The following NLRP13 variants were observed in gnomAD, a reference collection of about 807,000 sequenced individuals.
NLRP13 encodes the protein NACHT, LRR and PYD domains-containing protein 13.
Under a neutral mutation model 94.4 loss-of-function variants are expected in NLRP13, and 82 were observed. The observed-to-expected ratio is 0.87, with a 90% CI of 0.73 to 1.04. NLRP13 has a LOEUF of 1.04. NLRP13 is among the 50% of genes least tolerant of loss of function. The pLI, the probability that NLRP13 is intolerant of heterozygous loss-of-function variation, is 0.00. For missense variants in NLRP13, 1,426 were observed against 1,230.8 expected (o/e 1.16, Z -2.37); for synonymous variants, 553 against 464.7 (o/e 1.19, Z -2.45).
In NLRP13 at chr19:55,895,991, C is replaced by T; in HGVS notation, c.3086G>A (p.Cys1029Tyr). 1 of 1,614,172 alleles carries T rather than the reference C, an allele frequency of 6.2e-7. No homozygotes were observed. The highest frequency in any genetic ancestry group is 8.5e-7 in the Non-Finnish European group (1 of 1,180,012). ...ELDTDGVKML[C>Y]KALKKSTCRL... ...GCATGTCGACTTTTTCAAAGCCTTA[C>T]ATAGCATCTTGACACCATCAGTATC... Residue 1029 changes from cysteine (C) to tyrosine (Y), a missense_variant, in exon 11 of 11, where the codon TGT (cysteine) becomes TAT (tyrosine). Transcript: ENST00000342929.
intron 8 of NLRP13, among the ~76,000 whole-genome samples, chr19:55,903,600 C>G (rs1227780665): frequency 6.6e-6 from 1 of 152,088 alleles, no homozygotes; most frequent in African/African-American, 2.4e-5. Context: ...ATCTCAAGCT[C>G]CTATACCCCC....
chr19:55,919,611 C>T (rs1986762645), intron 4 of NLRP13, among the ~76,000 whole-genome samples: 1 of 151,294 alleles, frequency 6.6e-6, no homozygotes, highest in African/African-American at 2.4e-5. Flanking sequence ...AATCTATTTA[C>T]AATAGCTTAA....
chr19:55,923,762 T>G, intron 4 of NLRP13, 152 bp downstream of exon 4: 1 of 614,852 alleles, frequency 1.6e-6, no homozygotes, highest in Non-Finnish European at 2.9e-6. Context: ...TTCAACAAAT[T>G]GTACTGGAAG....
chr19:55,913,768 C>CG (rs756500533), intron 4 of NLRP13, among the ~76,000 whole-genome samples: 1 of 151,678 alleles, frequency 6.6e-6, no homozygotes, highest in East Asian at 1.9e-4. Flanking sequence ...TACTTTCAGG[C>CG]GGGGGGAAGG....
chr19:55,902,046 C>G lies in NLRP13; in HGVS notation c.2778G>C (p.Leu926=). Reference sequence around the variant, plus strand: ...CCAAGAAAACTTACTTCAGGCTCTGCAGGTTACCATCTGGGCGACCCAAGG... The same window carrying G: ...CCAAGAAAACTTACTTCAGGCTCTGGAGGTTACCATCTGGGCGACCCAAGG... ...CEALGRPDGN[L]QSLNLSGCSF... Residue 926 remains leucine (L), a synonymous_variant, in exon 9 of 11, where the codon CTG becomes CTC. Coordinates refer to ENST00000342929, the MANE Select transcript of NLRP13 (RefSeq NM_176810.2). 3.1e-6 allele frequency: 5 copies of G among 1,614,074 alleles called. No individual in the cohort carries two copies. Among genetic ancestry groups the G allele is most frequent in the Non-Finnish European group, 4.2e-6 (5 of 1,179,950 alleles).
In NLRP13 at chr19:55,929,042, G is replaced by A. The variant is rs972093080; in HGVS notation, c.319+2951C>T. Among the ~76,000 whole-genome samples the A allele has an allele frequency of 6.6e-5, 10 of 152,284 alleles. No individual in the cohort carries two copies. In the South Asian group the frequency reaches 8.3e-4, roughly 13 times the overall value. On this transcript the variant is annotated intron_variant, in intron 1 of 10. Transcript: ENST00000342929. ...ACATGAAAAAAAGCTCATCGTCACT[G>A]GTTATTAGAGAAATGCAAATCAAAA...
intron 1 of NLRP13, among the ~76,000 whole-genome samples, chr19:55,926,609 C>A (rs1439272269): frequency 6.6e-6 from 1 of 152,154 alleles, no homozygotes; most frequent in Non-Finnish European, 1.5e-5. Flanking sequence ...CTAATCCTAG[C>A]AACCCCTCAA....
At chr19:55,916,596 C>T (rs573715722) in intron 4 of NLRP13, among the ~76,000 whole-genome samples, 2 of 152,006 alleles carry the variant, frequency 1.3e-5, no homozygotes, top group Non-Finnish European at 2.9e-5. Flanking sequence ...AAAGTTTCAA[C>T]AACAGATTAG....
rs772583236 is a variant in NLRP13 at position 55,925,063 on chromosome 19, G to A, written c.320-28C>T. 1.6e-5 allele frequency: 26 copies of A among 1,603,138 alleles called. No homozygotes were observed. The South Asian group carries it at 2.9e-4, about 18-fold the overall frequency. ...GAAACAAACAGTGATGATGACATAT[G>A]AGAATACCCAGACTGAAAATGGACC... On this transcript the variant is annotated intron_variant, in intron 1 of 10. Coordinates refer to ENST00000342929, the MANE Select transcript of NLRP13 (RefSeq NM_176810.2).
At chr19:55,918,663 A>T (rs1986735291) in intron 4 of NLRP13, among the ~76,000 whole-genome samples, 1 of 152,142 alleles carries the variant, frequency 6.6e-6, no homozygotes, top group South Asian at 2.1e-4. Flanking sequence ...ACCTACCAAG[A>T]TTGAATCAGG....
chr19:55,919,823 G>A (rs556040413), intron 4 of NLRP13, among the ~76,000 whole-genome samples: 2 of 151,930 alleles, frequency 1.3e-5, no homozygotes, highest in Admixed American at 6.6e-5. Context: ...CAGAATTAGA[G>A]AAAACAATCC....
At chr19:55,903,362 CT>C (rs1986243716) in intron 8 of NLRP13, among the ~76,000 whole-genome samples, 1 of 152,096 alleles carries the variant, frequency 6.6e-6, no homozygotes, top group African/African-American at 2.4e-5. Context: ...GGTCCTTGGC[CT>C]TTTCTGTGCT....
intron 4 of NLRP13, among the ~76,000 whole-genome samples, chr19:55,916,314 T>C (rs58003994): frequency 0.028 from 4,311 of 152,174 alleles, 199 homozygotes; most frequent in African/African-American, 0.094. Context: ...TTAAAAAAAC[T>C]CAGGTGTTAT....
chr19:55,897,645 C>T (rs529168906), intron 10 of NLRP13, among the ~76,000 whole-genome samples: 1 of 152,178 alleles, frequency 6.6e-6, no homozygotes, highest in Non-Finnish European at 1.5e-5. Flanking sequence ...TTATGCCAAA[C>T]TATCTTAAAT....
rs774887003 is a variant in NLRP13 at position 55,902,202 on chromosome 19, G to A, written c.2622C>T (p.Leu874=). The change falls in exon 9 of 11, where the codon CTC becomes CTT. Residue 874 remains leucine (L), a synonymous_variant. Transcript: ENST00000342929. The part of the protein sequence containing the change: ...HPKCALERLE[L]WFCQLAAPAC... Reference sequence around the variant, plus strand: ...CGGGTGCTGCCAGCTGGCAAAACCAGAGCCTGCAGGGTGAAAGCCACAGAG... The same window carrying A: ...CGGGTGCTGCCAGCTGGCAAAACCAAAGCCTGCAGGGTGAAAGCCACAGAG... 6.2e-7 allele frequency: 1 copy of A among 1,613,604 alleles called. No individual in the cohort carries two copies. Among genetic ancestry groups the A allele is most frequent in the South Asian group, 1.1e-5 (1 of 91,042 alleles).
chr19:55,913,567 A>AAAG, intron 4 of NLRP13, among the ~76,000 whole-genome samples: 1 of 146,422 alleles, frequency 6.8e-6, no homozygotes, highest in African/African-American at 2.5e-5. Context: ...AAAAAAAAAA[A>AAAG]AAAAGTTGCA....
At chr19:55,895,086 A>G (rs1011844823), downstream of NLRP13, among the ~76,000 whole-genome samples, 3 of 151,882 alleles carry the variant, frequency 2.0e-5, no homozygotes, top group Admixed American at 1.3e-4. Flanking sequence ...TTAAAAATTT[A>G]TATTTATATT....
At chr19:55,905,912 C>A (rs746376302) in intron 7 of NLRP13, among the ~76,000 whole-genome samples, 53 of 152,130 alleles carry the variant, frequency 3.5e-4, no homozygotes, top group Non-Finnish European at 6.2e-4. Context: ...TTAATAGAAT[C>A]CAGTTGAAAA....
At chr19:55,928,236 A>C (rs1415693880) in intron 1 of NLRP13, among the ~76,000 whole-genome samples, 1 of 152,208 alleles carries the variant, frequency 6.6e-6, no homozygotes, top group Non-Finnish European at 1.5e-5. Context: ...GCCTTCAGGC[A>C]GGAAGTTTAT....
Sources: gnomAD v4.1 joint callset for allele counts (sites outside exome capture counted in the v4.1 genomes callset) on GRCh38, gnomAD v4.1.1 for gene constraint, MANE v1.5 for transcripts, NCBI Gene and HGNC (gene_info 2026-07-23, HGNC 2026-07-21) for gene names.